The following RASSF6 variants were observed in gnomAD, a reference collection of about 807,000 sequenced individuals.
RASSF6 encodes the protein Ras association domain family member 6.
Under a neutral mutation model 44.0 loss-of-function variants are expected in RASSF6, and 52 were observed. That is an observed-to-expected ratio of 1.18 (90% CI 0.95 to 1.49). RASSF6 has a LOEUF of 1.49. Among genes scored for constraint, RASSF6 ranks in the 40% most tolerant of loss-of-function variants. The pLI, the probability that RASSF6 is intolerant of heterozygous loss-of-function variation, is 0.00. For missense variants in RASSF6, 464 were observed against 393.3 expected (o/e 1.18, Z -1.52); for synonymous variants, 162 against 124.6 (o/e 1.30, Z -2.00).
intron 1 of RASSF6, among the ~76,000 whole-genome samples, chr4:73,615,284 C>T (rs1330532596): frequency 6.6e-6 from 1 of 152,072 alleles, no homozygotes; most frequent in Non-Finnish European, 1.5e-5. Context: ...CTTCCCATTC[C>T]CATTCACCAT....
At chr4:73,588,554 G>A (rs1156853175) in intron 4 of RASSF6, among the ~76,000 whole-genome samples, 1 of 151,906 alleles carries the variant, frequency 6.6e-6, no homozygotes, top group Admixed American at 6.6e-5. Context: ...TATTTTTACG[G>A]CAGGTCAAAA....
Position 73,582,843 on chromosome 4 carries a change from C to A in RASSF6, c.568-553G>T, listed in dbSNP as rs564461577. Among the ~76,000 whole-genome samples, 10 of 151,780 alleles carry A rather than the reference C, an allele frequency of 6.6e-5. 1 individual carries two copies. The East Asian group carries it at 1.9e-3, about 29-fold the overall frequency. On this transcript the variant is annotated intron_variant, in intron 6 of 10. Transcript: ENST00000307439. Reference sequence around the variant, plus strand: ...ATTTATAACACCCACACATGTAACACGCACACACACACACACGGCATTTGT... The same window carrying A: ...ATTTATAACACCCACACATGTAACAAGCACACACACACACACGGCATTTGT...
At chr4:73,609,303 T>C (rs568380157) in intron 2 of RASSF6, among the ~76,000 whole-genome samples, 5 of 152,176 alleles carry the variant, frequency 3.3e-5, no homozygotes, top group Non-Finnish European at 7.3e-5. Flanking sequence ...ATAAAAAACA[T>C]TTATTTTTAT....
intron 6 of RASSF6, 84 bp from the exon 7 acceptor site, chr4:73,582,374 G>T: frequency 3.5e-6 from 2 of 577,812 alleles, no homozygotes; most frequent in South Asian, 3.9e-5. Flanking sequence ...TTCTTATAGG[G>T]CAAAAAAAAT....
intron 4 of RASSF6, among the ~76,000 whole-genome samples, chr4:73,588,782 T>TATCATCATCATC (rs1560446393): frequency 3.5e-5 from 1 of 28,326 alleles, no homozygotes; most frequent in African/African-American, 8.9e-5. Context: ...TCATCTCCAT[T>TATCATCATCATC]GTCATCATCA....
intron 4 of RASSF6, among the ~76,000 whole-genome samples, chr4:73,589,294 T>C (rs1724347938): frequency 6.6e-6 from 1 of 152,162 alleles, no homozygotes; most frequent in African/African-American, 2.4e-5. Flanking sequence ...CAGAATCTAA[T>C]TAGTCTTATG....
intron 6 of RASSF6, 140 bp downstream of exon 6, chr4:73,585,040 C>G (rs992187820): frequency 1.9e-6 from 1 of 536,544 alleles, no homozygotes; most frequent in Non-Finnish European, 3.3e-6. Context: ...TAATATCTAG[C>G]ACATAGAGAG....
rs1723071627 is a variant in RASSF6 at position 73,574,127 on chromosome 4, A to AT, written c.*2107dup. On this transcript the variant is annotated 3_prime_UTR_variant, in exon 11 of 11. Transcript: ENST00000307439. ...AGTGCAAGCCGGTCCTGAAGCTCCAATTGCTGCTCTCCATTTCTTCTCTTC... is the reference window on the plus strand; with the variant it reads ...AGTGCAAGCCGGTCCTGAAGCTCCAATTTGCTGCTCTCCATTTCTTCTCTTC... 6.6e-6 allele frequency: 1 copy of AT among 152,366 alleles called. No homozygotes were observed. 9.4% of individuals were successfully genotyped at this position (152,366 alleles called of 1,614,324 possible).
In RASSF6 at chr4:73,576,074, C is replaced by T. The variant is rs908556920; in HGVS notation, c.*161G>A. The T allele has an allele frequency of 1.9e-6, 1 of 514,918 alleles. No homozygotes were observed. The highest frequency in any genetic ancestry group is 3.4e-6 in the Non-Finnish European group (1 of 293,222). 31.9% of individuals were successfully genotyped at this position (514,918 alleles called of 1,614,324 possible). ...TTGTCCAACTGTGAACCCTAATTAA[C>T]CTCATCACTTCAAAAAGAAATGAGC... On this transcript the variant is annotated 3_prime_UTR_variant, in exon 11 of 11. Transcript: ENST00000307439.
intron 3 of RASSF6, among the ~76,000 whole-genome samples, chr4:73,597,418 A>G (rs1381891732): frequency 6.6e-6 from 1 of 152,210 alleles, no homozygotes; most frequent in African/African-American, 2.4e-5. Context: ...CAAAACCACA[A>G]TGAGATACCA....
In RASSF6 at chr4:73,594,120, T is replaced by A. The variant is rs533045790; in HGVS notation, c.145-527A>T. Among the ~76,000 whole-genome samples, 17 of 152,286 alleles carry A rather than the reference T, an allele frequency of 1.1e-4. No homozygotes were observed. In the South Asian group the frequency reaches 3.5e-3, roughly 32 times the overall value. ...TATATTTTTTGTAAAAACAATAGCA[T>A]TTGAAGAATTTCTTTAAAATTAGAA... On this transcript the variant is annotated intron_variant, in intron 3 of 10. Transcript: ENST00000307439.
At chr4:73,615,175 T>C in intron 1 of RASSF6, among the ~76,000 whole-genome samples, 1 of 3,738 alleles carries the variant, frequency 2.7e-4, no homozygotes, top group Admixed American at 6.0e-3. Context: ...TGTGACTCTG[T>C]CTCAAAAAAA....
At chr4:73,594,905 T>C (rs1724825703) in intron 3 of RASSF6, among the ~76,000 whole-genome samples, 1 of 152,224 alleles carries the variant, frequency 6.6e-6, no homozygotes, top group Non-Finnish European at 1.5e-5. Context: ...GTTGTTAAAT[T>C]CTTCATTGCT....
At chr4:73,612,926 C>T (rs1726123206) in intron 1 of RASSF6, among the ~76,000 whole-genome samples, 1 of 152,092 alleles carries the variant, frequency 6.6e-6, no homozygotes, top group Non-Finnish European at 1.5e-5. Flanking sequence ...CAACACCAGG[C>T]CTTGTAATCT....
At chr4:73,589,893 C>A (rs895151836) in intron 4 of RASSF6, among the ~76,000 whole-genome samples, 2 of 152,046 alleles carry the variant, frequency 1.3e-5, no homozygotes, top group African/African-American at 2.4e-5. Context: ...AGAATATGGT[C>A]ACTTCCCTAC....
At chr4:73,586,939 C>A (rs1392557337) in intron 5 of RASSF6, among the ~76,000 whole-genome samples, 1 of 150,904 alleles carries the variant, frequency 6.6e-6, no homozygotes, top group Non-Finnish European at 1.5e-5. Context: ...ACAAACATTG[C>A]AAGTTGCTGG....
Position 73,598,594 on chromosome 4 carries a change from G to A in RASSF6, c.144+46C>T. 4 of 860,680 alleles carry A rather than the reference G, an allele frequency of 4.6e-6. No individual in the cohort carries two copies. In the South Asian group the frequency reaches 4.8e-5, roughly 10 times the overall value. 53.3% of individuals were successfully genotyped at this position (860,680 alleles called of 1,614,324 possible). ...TGTGTGTGTGTGTGTGTGCACGCAT[G>A]TGTGTGTGTGAATAACACCGGATTG... On this transcript the variant is annotated intron_variant, in intron 3 of 10. Transcript: ENST00000307439.
At chr4:73,590,009 C>A (rs909737308) in intron 4 of RASSF6, among the ~76,000 whole-genome samples, 2 of 152,118 alleles carry the variant, frequency 1.3e-5, no homozygotes, top group African/African-American at 4.8e-5. Context: ...TATGCAAAAG[C>A]TGAGTTTTGA....
intron 6 of RASSF6, among the ~76,000 whole-genome samples, chr4:73,583,049 C>G (rs534765638): frequency 1.7e-4 from 26 of 152,168 alleles, no homozygotes; most frequent in African/African-American, 5.5e-4. Context: ...TCATCCTGCG[C>G]TAAGGTGAAT....
Sources: gnomAD v4.1 joint callset for allele counts (sites outside exome capture counted in the v4.1 genomes callset) on GRCh38, gnomAD v4.1.1 for gene constraint, MANE v1.5 for transcripts, NCBI Gene and HGNC (gene_info 2026-07-23, HGNC 2026-07-21) for gene names.